SH3GL2: variants seen among roughly 807,000 people sequenced by gnomAD.
The protein encoded by SH3GL2 is endophilin-A1.
SH3GL2 carries 24 observed loss-of-function variants against 46.0 expected under a neutral mutation model. The ratio of observed to expected loss-of-function variants is 0.52; its 90% CI spans 0.38 to 0.73. The LOEUF (loss-of-function observed/expected upper bound fraction) is 0.73. Among genes scored for constraint, SH3GL2 ranks in the 30% least tolerant of loss-of-function variants. SH3GL2 has a pLI of 0.00. For synonymous variants in SH3GL2, 196 were observed against 147.1 expected, an observed-to-expected ratio of 1.33 and a Z score of -2.40; for missense variants, 413 against 424.2, an observed-to-expected ratio of 0.97 and a Z score of 0.23.
intron 1 of SH3GL2, among the ~76,000 whole-genome samples, chr9:17,697,081 A>G (rs1821221903): frequency 6.6e-6 from 1 of 152,046 alleles, no homozygotes; most frequent in Non-Finnish European, 1.5e-5. Flanking sequence ...CCCTCACACC[A>G]CAGGGTATTA....
At chr9:17,762,748 A>C (rs1823214114) in intron 3 of SH3GL2, among the ~76,000 whole-genome samples, 1 of 152,176 alleles carries the variant, frequency 6.6e-6, no homozygotes, top group African/African-American at 2.4e-5. Flanking sequence ...CACTGCAAAA[A>C]TCAGGTTTCT....
At chr9:17,690,103 T>C (rs1175449554) in intron 1 of SH3GL2, among the ~76,000 whole-genome samples, 1 of 152,128 alleles carries the variant, frequency 6.6e-6, no homozygotes, top group Non-Finnish European at 1.5e-5. Context: ...TTTTTGTGCC[T>C]GTATGAGACT....
At chr9:17,696,232 C>T (rs976837081) in intron 1 of SH3GL2, among the ~76,000 whole-genome samples, 1 of 152,054 alleles carries the variant, frequency 6.6e-6, no homozygotes, top group Non-Finnish European at 1.5e-5. Context: ...AGCTTTATAA[C>T]TCAAGGATAT....
At chr9:17,700,366 C>T (rs150883346) in intron 1 of SH3GL2, among the ~76,000 whole-genome samples, 1 of 152,224 alleles carries the variant, frequency 6.6e-6, no homozygotes, top group Non-Finnish European at 1.5e-5. Flanking sequence ...AGTAGCAAAA[C>T]TGTAAATTCA....
intron 1 of SH3GL2, among the ~76,000 whole-genome samples, chr9:17,691,260 A>C (rs994034156): frequency 1.3e-5 from 2 of 152,072 alleles, no homozygotes; most frequent in African/African-American, 4.8e-5. Context: ...TTTCTCTTTG[A>C]GACATAAATT....
At chr9:17,784,536 G>C (rs142323978) in intron 3 of SH3GL2, among the ~76,000 whole-genome samples, 13 of 152,040 alleles carry the variant, frequency 8.6e-5, no homozygotes, top group African/African-American at 3.1e-4. Context: ...TCATTCTTCA[G>C]TGTCCCCCTA....
intron 1 of SH3GL2, among the ~76,000 whole-genome samples, chr9:17,673,860 C>G (rs1209778149): frequency 1.3e-5 from 2 of 152,098 alleles, no homozygotes; most frequent in Non-Finnish European, 2.9e-5. Flanking sequence ...TTTTGCTCAC[C>G]CATCTGCTGC....
chr9:17,613,837 A>G lies in SH3GL2; in HGVS notation c.45+34550A>G, dbSNP rs537081131. Among the ~76,000 whole-genome samples, 7 of 152,292 alleles carry G rather than the reference A, an allele frequency of 4.6e-5. No individual in the cohort carries two copies. The South Asian group carries it at 1.5e-3, about 32-fold the overall frequency. ...TCTTATTCTGGTTTTGGCAACACAA[A>G]AAGCTTTCCTTTTTCCCCTTCCCTC... On this transcript the variant is annotated intron_variant, in intron 1 of 8. Transcript: ENST00000380607.
At chr9:17,693,618 A>G (rs77319746) in intron 1 of SH3GL2, among the ~76,000 whole-genome samples, 2,209 of 152,294 alleles carry the variant, frequency 0.015, 52 homozygotes, top group African/African-American at 0.051. Flanking sequence ...CTGCCATTTT[A>G]TACAAGAATC....
intron 1 of SH3GL2, among the ~76,000 whole-genome samples, chr9:17,624,464 T>G (rs1819232120): frequency 6.6e-6 from 1 of 152,216 alleles, no homozygotes; most frequent in Non-Finnish European, 1.5e-5. Context: ...ATCTCCATGC[T>G]CTTTCCATGT....
chr9:17,650,318 C>T (rs2134664411), intron 1 of SH3GL2, among the ~76,000 whole-genome samples: 1 of 152,264 alleles, frequency 6.6e-6, no homozygotes, highest in South Asian at 2.1e-4. Flanking sequence ...CCTTAATAAT[C>T]ATGGTATGGA....
At chr9:17,755,840 T>C (rs1297866572) in intron 2 of SH3GL2, 25 of 913,076 alleles carry the variant, frequency 2.7e-5, no homozygotes, top group Non-Finnish European at 2.9e-5. Context: ...AAAGGTAATA[T>C]TCCCATGTCT....
chr9:17,757,354 C>T (rs1306049344), intron 2 of SH3GL2, among the ~76,000 whole-genome samples: 2 of 152,122 alleles, frequency 1.3e-5, no homozygotes, highest in Non-Finnish European at 2.9e-5. Flanking sequence ...AAAGAAACTA[C>T]CATCAGAGTG....
At chr9:17,583,396 C>A (rs1439521096) in intron 1 of SH3GL2, among the ~76,000 whole-genome samples, 1 of 152,118 alleles carries the variant, frequency 6.6e-6, no homozygotes, top group Non-Finnish European at 1.5e-5. Flanking sequence ...GGGATTAGTG[C>A]TCTCTTAAAA....
intron 1 of SH3GL2, among the ~76,000 whole-genome samples, chr9:17,645,508 A>G (rs531904792): frequency 7.2e-5 from 11 of 152,210 alleles, no homozygotes; most frequent in Non-Finnish European, 1.0e-4. Context: ...AGTGGCTGGT[A>G]CTGGTTTTTC....
chr9:17,614,195 C>G (rs984757986), intron 1 of SH3GL2, among the ~76,000 whole-genome samples: 7 of 143,542 alleles, frequency 4.9e-5, no homozygotes, highest in Admixed American at 1.5e-4. Flanking sequence ...TGATCATTCT[C>G]AGTAAATCAC....
chr9:17,655,115 C>T (rs1820044525), intron 1 of SH3GL2, among the ~76,000 whole-genome samples: 1 of 152,132 alleles, frequency 6.6e-6, no homozygotes, highest in African/African-American at 2.4e-5. Context: ...GCTTCAGACA[C>T]CTAAGGGCCT....
At chr9:17,623,055 TC>T (rs1563786632) in intron 1 of SH3GL2, among the ~76,000 whole-genome samples, 30 of 96,244 alleles carry the variant, frequency 3.1e-4, no homozygotes, top group African/African-American at 9.5e-4. Flanking sequence ...CCCTTCCCCT[TC>T]CCCTTCCCCT....
chr9:17,600,618 C>T (rs1169440923), intron 1 of SH3GL2, among the ~76,000 whole-genome samples: 2 of 152,152 alleles, frequency 1.3e-5, no homozygotes, highest in African/African-American at 4.8e-5. Context: ...GTATCTGTTG[C>T]TCTTAGTTAC....
Sources: gnomAD v4.1 joint callset for allele counts (sites outside exome capture counted in the v4.1 genomes callset) on GRCh38, gnomAD v4.1.1 for gene constraint, MANE v1.5 for transcripts, NCBI Gene and HGNC (gene_info 2026-07-23, HGNC 2026-07-21) for gene names.